Variants in FRA10AC1 observed in about 807,000 individuals in gnomAD.
FRA10AC1 encodes FRA10A associated CGG repeat 1.
FRA10AC1 carries 43 observed loss-of-function variants against 56.5 expected under a neutral mutation model. The observed-to-expected ratio is 0.76, with a 90% CI of 0.60 to 0.98. The LOEUF (loss-of-function observed/expected upper bound fraction) is 0.98. Among genes scored for constraint, FRA10AC1 ranks in the 50% least tolerant of loss-of-function variants. FRA10AC1 has a pLI of 0.00. For synonymous variants in FRA10AC1, 112 were observed against 110.5 expected (o/e 1.01, Z -0.09); for missense variants, 346 against 351.8 (o/e 0.98, Z 0.13).
In FRA10AC1 at chr10:93,668,412, C is replaced by T. The variant is rs961328566; in HGVS notation, c.*1414G>A. 1 of 152,128 alleles carries T rather than the reference C, an allele frequency of 6.6e-6. No individual in the cohort carries two copies. The highest frequency in any genetic ancestry group is 6.6e-5 in the Admixed American group (1 of 15,256). 9.4% of individuals were successfully genotyped at this position (152,128 alleles called of 1,614,324 possible). On this transcript the variant is annotated 3_prime_UTR_variant, in exon 14 of 14. Coordinates refer to ENST00000359204, the MANE Select transcript of FRA10AC1 (RefSeq NM_145246.5). ...ATGGACTTTTCCTCCAAAAAACATA[C>T]ACAGAAGTTTGCACAGATTCTAAAA...
chr10:93,672,193 C>T (rs549515030), intron 12 of FRA10AC1: 1 of 339,434 alleles, frequency 2.9e-6, no homozygotes, highest in African/African-American at 2.2e-5. Flanking sequence ...TAGTTCTAGC[C>T]TTTTACCTGT....
Position 93,681,596 on chromosome 10 carries a change from C to G in FRA10AC1, c.671G>C (p.Arg224Thr). 1 of 1,511,824 alleles carries G rather than the reference C, an allele frequency of 6.6e-7. No individual in the cohort carries two copies. The highest frequency in any genetic ancestry group is 8.9e-7 in the Non-Finnish European group (1 of 1,125,980). The allele number at this position is 1,511,824 out of a possible 1,614,324, so 93.7% of individuals were successfully genotyped here. Residue 224 changes from arginine (R) to threonine (T), a missense_variant and splice_region_variant, in exon 11 of 14, where the codon AGA (arginine) becomes ACA (threonine). Physicochemically the swap from Arg to Thr is moderately conservative, Grantham distance 71. Transcript: ENST00000359204. ...CSIKLNFHHR[R>T]KEIKSKKRKD... Reference sequence around the variant, plus strand: ...TCTTTTTTTTGACTTGATTTCTTTTCTCCTTTGTGTTAAACAATATAAAAT... The same window carrying G: ...TCTTTTTTTTGACTTGATTTCTTTTGTCCTTTGTGTTAAACAATATAAAAT...
At chr10:93,692,211 C>T in intron 6 of FRA10AC1, 118 bp from the exon 7 acceptor site, 1 of 674,488 alleles carries the variant, frequency 1.5e-6, no homozygotes, top group Non-Finnish European at 2.2e-6. Flanking sequence ...AGAACTATTA[C>T]TTACATGTGC....
intron 9 of FRA10AC1, among the ~76,000 whole-genome samples, chr10:93,684,312 A>T (rs947747584): frequency 6.6e-6 from 1 of 152,202 alleles, no homozygotes; most frequent in Admixed American, 6.5e-5. Flanking sequence ...AATTGAAAAT[A>T]ACACTATTTT....
intron 11 of FRA10AC1, among the ~76,000 whole-genome samples, chr10:93,679,221 T>C (rs544738894): frequency 1.5e-4 from 23 of 152,352 alleles, no homozygotes; most frequent in African/African-American, 5.3e-4. Flanking sequence ...CTTGCTTTGG[T>C]CTTCTATCCC....
chr10:93,702,736 A>T (rs895332531), upstream of FRA10AC1, among the ~76,000 whole-genome samples: 1 of 152,000 alleles, frequency 6.6e-6, no homozygotes, highest in Non-Finnish European at 1.5e-5. Context: ...AGCTTTCGCC[A>T]AGTCGCGGCT....
chr10:93,697,720 T>C (rs1188572353), intron 4 of FRA10AC1, among the ~76,000 whole-genome samples: 1 of 152,132 alleles, frequency 6.6e-6, no homozygotes, highest in Non-Finnish European at 1.5e-5. Flanking sequence ...TTTCCTTAGA[T>C]CCAGGGACAG....
At chr10:93,670,335 T>C (rs1228847536) in intron 13 of FRA10AC1, among the ~76,000 whole-genome samples, 3 of 152,168 alleles carry the variant, frequency 2.0e-5, no homozygotes, top group Non-Finnish European at 2.9e-5. Flanking sequence ...TTTACTACAC[T>C]GAGCATAGTA....
intron 8 of FRA10AC1, among the ~76,000 whole-genome samples, chr10:93,685,919 G>A (rs1046617008): frequency 2.6e-5 from 4 of 151,592 alleles, no homozygotes; most frequent in Non-Finnish European, 5.9e-5. Context: ...AGTACAATAC[G>A]CAGTCAAACC....
chr10:93,701,829 G>A (rs2059337817), intron 1 of FRA10AC1, among the ~76,000 whole-genome samples: 1 of 151,966 alleles, frequency 6.6e-6, no homozygotes. Flanking sequence ...TCTAGGATCA[G>A]CCTACTAGAT....
chr10:93,677,751 C>T (rs914873383), intron 11 of FRA10AC1, among the ~76,000 whole-genome samples: 6 of 152,172 alleles, frequency 3.9e-5, no homozygotes, highest in Non-Finnish European at 5.9e-5. Flanking sequence ...GCATATGATT[C>T]GCCCTGGGAA....
At chr10:93,697,445 C>T (rs1477894080) in intron 4 of FRA10AC1, among the ~76,000 whole-genome samples, 1 of 152,190 alleles carries the variant, frequency 6.6e-6, no homozygotes, top group African/African-American at 2.4e-5. Context: ...CTCCTTCTCC[C>T]AATTCTGATC....
chr10:93,701,453 T>C (rs1163112128), intron 1 of FRA10AC1, among the ~76,000 whole-genome samples: 1 of 152,208 alleles, frequency 6.6e-6, no homozygotes, highest in Non-Finnish European at 1.5e-5. Context: ...CTTCATCTAT[T>C]AAATAAGATA....
At chr10:93,694,793 A>G in intron 5 of FRA10AC1, 68 bp downstream of exon 5, 1 of 766,216 alleles carries the variant, frequency 1.3e-6, no homozygotes, top group Non-Finnish European at 2.3e-6. Flanking sequence ...CAGAAGGCAC[A>G]GTAGCTGTGG....
chr10:93,691,200 T>TA (rs1351207739), intron 7 of FRA10AC1, among the ~76,000 whole-genome samples: 2 of 152,184 alleles, frequency 1.3e-5, no homozygotes, highest in African/African-American at 4.8e-5. Context: ...TTCTATTTTT[T>TA]AGAGTCTCAC....
Position 93,699,484 on chromosome 10 carries a change from TCCA to T in FRA10AC1, c.77+543_77+545del, listed in dbSNP as rs761503639. 9.2e-5 allele frequency among the ~76,000 whole-genome samples: 14 copies of T among 152,284 alleles called. No individual in the cohort carries two copies. The South Asian group carries it at 2.9e-3, about 32-fold the overall frequency. On this transcript the variant is annotated intron_variant, in intron 2 of 13. Coordinates refer to ENST00000359204, the MANE Select transcript of FRA10AC1 (RefSeq NM_145246.5). The stretch of plus-strand genomic sequence containing the variant: ...GAACAATGCTCCTACGCACAGCAGC[TCCA>T]CCAAGACGTATCCTGCTTATAACGC...
intron 6 of FRA10AC1, among the ~76,000 whole-genome samples, 187 bp downstream of exon 6, chr10:93,692,455 TCAAA>T (rs1271634298): frequency 6.6e-6 from 1 of 152,116 alleles, no homozygotes. Context: ...GAAGACTAAG[TCAAA>T]CAATGAGAAG....
At chr10:93,694,491 G>C (rs1246339986) in intron 5 of FRA10AC1, among the ~76,000 whole-genome samples, 1 of 151,912 alleles carries the variant, frequency 6.6e-6, no homozygotes, top group Non-Finnish European at 1.5e-5. Context: ...CAAGACAGGT[G>C]GATCACAAGG....
chr10:93,681,440 C>G, intron 11 of FRA10AC1, 40 bp downstream of exon 11: 1 of 1,258,220 alleles, frequency 7.9e-7, no homozygotes, highest in Non-Finnish European at 1.1e-6. Flanking sequence ...ATTTCATGCT[C>G]ACAAATGTGA....
Sources: gnomAD v4.1 joint callset for allele counts (sites outside exome capture counted in the v4.1 genomes callset) on GRCh38, gnomAD v4.1.1 for gene constraint, MANE v1.5 for transcripts, NCBI Gene and HGNC (gene_info 2026-07-23, HGNC 2026-07-21) for gene names.